Variants in GRID2 observed in about 807,000 individuals in gnomAD.
GRID2 encodes glutamate ionotropic receptor delta type subunit 2, also known as glutamate receptor ionotropic, delta-2.
A neutral mutation model predicts 114.8 loss-of-function variants in GRID2; 33 were observed. The ratio of observed to expected loss-of-function variants is 0.29; its 90% CI spans 0.22 to 0.38. The LOEUF is 0.38. GRID2 is among the 10% of genes least tolerant of loss of function. The pLI, the probability that GRID2 is intolerant of heterozygous loss-of-function variation, is 1.00. For missense variants in GRID2, 1,184 were observed against 1,257.7 expected, an observed-to-expected ratio of 0.94 and a Z score of 0.89; for synonymous variants, 505 against 449.9, an observed-to-expected ratio of 1.12 and a Z score of -1.55.
intron 8 of GRID2, among the ~76,000 whole-genome samples, chr4:93,334,260 G>A (rs1392891888): frequency 6.6e-6 from 1 of 152,090 alleles, no homozygotes; most frequent in Non-Finnish European, 1.5e-5. Context: ...CCCACAGCAT[G>A]CAAATTATTA....
At chr4:92,922,900 G>A (rs1253820047) in intron 2 of GRID2, among the ~76,000 whole-genome samples, 1 of 152,198 alleles carries the variant, frequency 6.6e-6, no homozygotes, top group East Asian at 1.9e-4. Flanking sequence ...AAGAATAATG[G>A]ACTGGAAGGA....
At chr4:93,053,821 A>G (rs1268236717) in intron 2 of GRID2, among the ~76,000 whole-genome samples, 2 of 151,978 alleles carry the variant, frequency 1.3e-5, no homozygotes, top group South Asian at 2.1e-4. Context: ...GAGCAAAGTC[A>G]TGGATGCTTA....
chr4:93,222,143 A>G (rs867098291), intron 6 of GRID2, among the ~76,000 whole-genome samples: 7 of 152,152 alleles, frequency 4.6e-5, no homozygotes, highest in Middle Eastern at 3.2e-3. Context: ...TAGAGAAATA[A>G]ATTACGGGGA....
chr4:92,402,991 T>C (rs552665650), intron 1 of GRID2, among the ~76,000 whole-genome samples: 1 of 152,332 alleles, frequency 6.6e-6, no homozygotes, highest in Admixed American at 6.5e-5. Flanking sequence ...CCGCAGCTTC[T>C]ACATTAGCTC....
At chr4:93,733,983 C>G (rs139571385) in intron 14 of GRID2, among the ~76,000 whole-genome samples, 2,014 of 152,068 alleles carry the variant, frequency 0.013, 28 homozygotes, top group Non-Finnish European at 0.019. Flanking sequence ...TAAATGTATC[C>G]TTTCTCTATA....
rs574840036 is a variant in GRID2, at chr4:93,678,652, C to G, written c.2360+52217C>G. 4.6e-5 allele frequency among the ~76,000 whole-genome samples: 7 copies of G among 152,144 alleles called. No individual in the cohort carries two copies. In the South Asian group the frequency reaches 1.5e-3, roughly 32 times the overall value. On this transcript the variant is annotated intron_variant, in intron 14 of 15. Coordinates refer to ENST00000282020, the MANE Select transcript of GRID2 (RefSeq NM_001510.4). ...ATTCTTAAAGAAAAGAATTTTCAAA[C>G]CAGAATTTCATATCCAGCCAAACTA...
chr4:93,102,584 G>C (rs1006197170), intron 3 of GRID2, among the ~76,000 whole-genome samples: 3 of 151,752 alleles, frequency 2.0e-5, no homozygotes, highest in Admixed American at 1.3e-4. Context: ...TGGAGAGTTC[G>C]AACTAACCAG....
Position 93,413,746 on chromosome 4 carries a change from TC to T in GRID2, c.1348-9024del, listed in dbSNP as rs949290873. ...GATTATGACTTTAATTATTTTTTCT[TC>T]TCATAAATAATATTTCTCTTCTAAA... On this transcript the variant is annotated intron_variant, in intron 9 of 15. Transcript: ENST00000282020. 2.1e-4 allele frequency among the ~76,000 whole-genome samples: 32 copies of T among 152,196 alleles called. 1 individual carries two copies. Among genetic ancestry groups the T allele is most frequent in the Middle Eastern group, 3.2e-3 (1 of 316 alleles).
At chr4:93,353,803 A>G (rs909140977) in intron 8 of GRID2, among the ~76,000 whole-genome samples, 9 of 152,052 alleles carry the variant, frequency 5.9e-5, no homozygotes, top group Admixed American at 2.6e-4. Context: ...ACAATGGCCA[A>G]GGGAAAGCAG....
intron 2 of GRID2, among the ~76,000 whole-genome samples, chr4:92,880,106 C>G (rs79686261): frequency 0.016 from 2,434 of 152,254 alleles, 70 homozygotes; most frequent in African/African-American, 0.055. Context: ...AAATCAGGAT[C>G]TCAAGTCAGG....
At chr4:92,950,281 G>A (rs536164734) in intron 2 of GRID2, among the ~76,000 whole-genome samples, 3 of 152,226 alleles carry the variant, frequency 2.0e-5, no homozygotes, top group African/African-American at 7.2e-5. Flanking sequence ...TTTTCTCCCT[G>A]ACCTGAATCG....
chr4:92,839,857 G>C (rs1742750556), intron 2 of GRID2, among the ~76,000 whole-genome samples: 1 of 152,010 alleles, frequency 6.6e-6, no homozygotes, highest in South Asian at 2.1e-4. Flanking sequence ...TACAGATTAA[G>C]TCTGAGGTTT....
chr4:92,405,429 T>G (rs1730981224), intron 1 of GRID2, among the ~76,000 whole-genome samples: 1 of 152,226 alleles, frequency 6.6e-6, no homozygotes, highest in African/African-American at 2.4e-5. Flanking sequence ...CCATGTAAAT[T>G]TTTATGTAAT....
At chr4:93,441,002 G>A (rs1165204796) in intron 10 of GRID2, among the ~76,000 whole-genome samples, 1 of 152,052 alleles carries the variant, frequency 6.6e-6, no homozygotes, top group African/African-American at 2.4e-5. Context: ...AGAACTTATA[G>A]ACAAGGACAA....
chr4:92,418,782 A>C (rs1413138496), intron 1 of GRID2, among the ~76,000 whole-genome samples: 1 of 152,030 alleles, frequency 6.6e-6, no homozygotes, highest in Non-Finnish European at 1.5e-5. Context: ...CATAAATGAC[A>C]TGTTTAGTAG....
chr4:93,043,425 T>G (rs1432930738), intron 2 of GRID2, among the ~76,000 whole-genome samples: 1 of 152,022 alleles, frequency 6.6e-6, no homozygotes, highest in East Asian at 1.9e-4. Flanking sequence ...CATTACACAA[T>G]GGTGAAAATG....
chr4:93,637,981 C>T (rs1015171906), intron 14 of GRID2, among the ~76,000 whole-genome samples: 4 of 152,046 alleles, frequency 2.6e-5, no homozygotes, highest in Non-Finnish European at 4.4e-5. Flanking sequence ...TACTTCTAGA[C>T]ATGAATTATT....
At chr4:93,478,489 C>T (rs1725538156) in intron 11 of GRID2, among the ~76,000 whole-genome samples, 1 of 151,516 alleles carries the variant, frequency 6.6e-6, no homozygotes, top group Non-Finnish European at 1.5e-5. Flanking sequence ...TTGCTCAGAA[C>T]ATTCTTATTT....
chr4:93,113,127 A>G (rs981341081), intron 4 of GRID2, among the ~76,000 whole-genome samples: 2 of 152,124 alleles, frequency 1.3e-5, no homozygotes, highest in Non-Finnish European at 2.9e-5. Flanking sequence ...GATCCTGTAA[A>G]ATTTGAGCTA....
Sources: gnomAD v4.1 joint callset for allele counts (sites outside exome capture counted in the v4.1 genomes callset) on GRCh38, gnomAD v4.1.1 for gene constraint, MANE v1.5 for transcripts, NCBI Gene and HGNC (gene_info 2026-07-23, HGNC 2026-07-21) for gene names.